TSC22D1: variants seen among roughly 807,000 people sequenced by gnomAD.
TSC22D1 encodes the protein TSC22 domain family member 1.
Under a neutral mutation model 74.2 loss-of-function variants are expected in TSC22D1, and 9 were observed. That is an observed-to-expected ratio of 0.12 (90% CI 0.07 to 0.21). The LOEUF is 0.21. Ranked by LOEUF, TSC22D1 falls within the 10% of genes least tolerant of loss-of-function variation. The probability of loss-of-function intolerance (pLI) is 1.00; values close to 1 mark genes in which losing one functional copy is unlikely to be tolerated. For synonymous variants in TSC22D1, 586 were observed against 492.5 expected, an observed-to-expected ratio of 1.19 and a Z score of -2.51; for missense variants, 1,427 against 1,304.7, an observed-to-expected ratio of 1.09 and a Z score of -1.44.
chr13:44,562,725 A>G (rs1883126470), intron 1 of TSC22D1, among the ~76,000 whole-genome samples: 1 of 152,226 alleles, frequency 6.6e-6, no homozygotes, highest in Admixed American at 6.5e-5. Context: ...TATTCATATT[A>G]GTTCGCATTT....
chr13:44,459,288 A>C (rs755458843), intron 1 of TSC22D1, among the ~76,000 whole-genome samples: 1 of 152,132 alleles, frequency 6.6e-6, no homozygotes, highest in Non-Finnish European at 1.5e-5. Flanking sequence ...GCTATCCACT[A>C]TGGGTCTCCT....
chr13:44,464,184 C>T (rs181118040), intron 1 of TSC22D1, among the ~76,000 whole-genome samples: 4 of 152,244 alleles, frequency 2.6e-5, no homozygotes, highest in African/African-American at 7.2e-5. Flanking sequence ...CAATAGAGAC[C>T]TAATAAAAGG....
At chr13:44,525,113 A>AG (rs1473919324) in intron 1 of TSC22D1, among the ~76,000 whole-genome samples, 2 of 152,082 alleles carry the variant, frequency 1.3e-5, no homozygotes, top group East Asian at 1.9e-4. Flanking sequence ...GTTCCACCTA[A>AG]GGGGGGTAAA....
intron 1 of TSC22D1, among the ~76,000 whole-genome samples, chr13:44,567,305 A>G (rs117481098): frequency 0.012 from 1,868 of 152,338 alleles, 20 homozygotes; most frequent in Non-Finnish European, 0.02. Context: ...AAGTCCTCCA[A>G]CCAAACACCA....
chr13:44,462,488 C>G (rs1877052594), intron 1 of TSC22D1, among the ~76,000 whole-genome samples: 1 of 152,140 alleles, frequency 6.6e-6, no homozygotes, highest in African/African-American at 2.4e-5. Flanking sequence ...TTTATTATAG[C>G]AAATGTTCAA....
intron 1 of TSC22D1, among the ~76,000 whole-genome samples, chr13:44,493,116 G>C (rs1445007785): frequency 6.6e-6 from 1 of 152,118 alleles, no homozygotes; most frequent in Non-Finnish European, 1.5e-5. Flanking sequence ...TCATCTGAAC[G>C]CTGGAAAATA....
intron 1 of TSC22D1, among the ~76,000 whole-genome samples, chr13:44,490,199 T>C (rs1451826571): frequency 3.3e-5 from 5 of 152,210 alleles, no homozygotes; most frequent in Admixed American, 6.5e-5. Context: ...TCACATAGTA[T>C]TGAACACGGA....
intron 1 of TSC22D1, among the ~76,000 whole-genome samples, chr13:44,517,976 C>T (rs1361429664): frequency 6.9e-6 from 1 of 145,792 alleles, no homozygotes; most frequent in Non-Finnish European, 1.5e-5. Flanking sequence ...CTCACCTTAG[C>T]CTCCAGAGTA....
At chr13:44,473,566 A>G (rs2137913575) in intron 1 of TSC22D1, among the ~76,000 whole-genome samples, 1 of 152,076 alleles carries the variant, frequency 6.6e-6, no homozygotes, top group Admixed American at 6.6e-5. Flanking sequence ...GTCAGCATGC[A>G]AATCAGTTTA....
At chr13:44,576,358 A>G (rs1290863763), upstream of TSC22D1, 2 of 374,210 alleles carry the variant, frequency 5.3e-6, no homozygotes, top group African/African-American at 4.2e-5. Flanking sequence ...CCCCCTTTAT[A>G]TTCTGCTTCA....
chr13:44,571,196 G>T (rs548811268), intron 1 of TSC22D1, among the ~76,000 whole-genome samples: 100 of 152,334 alleles, frequency 6.6e-4, no homozygotes, highest in Middle Eastern at 3.4e-3. Context: ...TGTGTACAGT[G>T]TCTGAAGACA....
At chr13:44,544,832 C>T (rs545551299) in intron 1 of TSC22D1, among the ~76,000 whole-genome samples, 16 of 151,988 alleles carry the variant, frequency 1.1e-4, no homozygotes, top group African/African-American at 3.9e-4. Flanking sequence ...AGACAACCAA[C>T]AGATAACCCA....
At chr13:44,566,146 C>T (rs1883358025) in intron 1 of TSC22D1, among the ~76,000 whole-genome samples, 1 of 152,210 alleles carries the variant, frequency 6.6e-6, no homozygotes, top group Non-Finnish European at 1.5e-5. Context: ...GCAATGAAGC[C>T]TGCCTATTTT....
chr13:44,448,399 G>T (rs992881189), intron 1 of TSC22D1, among the ~76,000 whole-genome samples: 1 of 152,094 alleles, frequency 6.6e-6, no homozygotes, highest in East Asian at 1.9e-4. Context: ...GCCACTTAGG[G>T]TCATTAGAGG....
At chr13:44,498,509 T>C (rs1879077301) in intron 1 of TSC22D1, among the ~76,000 whole-genome samples, 1 of 152,160 alleles carries the variant, frequency 6.6e-6, no homozygotes, top group South Asian at 2.1e-4. Context: ...CATGCTTGGA[T>C]AATGGTTGGT....
chr13:44,545,582 G>GAAA (rs199880936), intron 1 of TSC22D1, among the ~76,000 whole-genome samples: 1 of 116,970 alleles, frequency 8.5e-6, no homozygotes, highest in African/African-American at 3.1e-5. Flanking sequence ...ATAAGGTACT[G>GAAA]AAAAAAAAAA....
At chr13:44,551,313 G>GTC (rs745937839) in intron 1 of TSC22D1, among the ~76,000 whole-genome samples, 2 of 139,016 alleles carry the variant, frequency 1.4e-5, no homozygotes, top group Non-Finnish European at 3.0e-5. Context: ...AGCTGGGGGT[G>GTC]TGTGTGTGTG....
In TSC22D1 at chr13:44,573,785, C is replaced by T. The variant is rs1883959289; in HGVS notation, c.2290G>A (p.Val764Met). 2 of 1,614,238 alleles carry T rather than the reference C, an allele frequency of 1.2e-6. No individual in the cohort carries two copies. The highest frequency in any genetic ancestry group is 1.7e-6 in the Non-Finnish European group (2 of 1,180,036). ...ATCCCAGTTTGAGCAGGTGGAACCACTTGCGAAGATGGAGGAGCACCCTGC... is the reference window on the plus strand; with the variant it reads ...ATCCCAGTTTGAGCAGGTGGAACCATTTGCGAAGATGGAGGAGCACCCTGC... ...IQQGAPPSSQVVPPAQTGIIH... is the reference protein window; with the variant it reads ...IQQGAPPSSQMVPPAQTGIIH... Residue 764 changes from valine (V) to methionine (M), a missense_variant, in exon 1 of 3, where the codon GTG (valine) becomes ATG (methionine). Around this residue, in one of 3 missense-constraint regions of TSC22D1, gnomAD observed 1,343 missense variants for 1,191.5 expected, o/e 1.13. Coordinates refer to ENST00000458659, the MANE Select transcript of TSC22D1 (RefSeq NM_183422.4).
rs1874296025 is a variant in TSC22D1 at position 44,434,074 on chromosome 13, T to C, written c.*552A>G. The C allele has an allele frequency of 9.8e-6, 15 of 1,528,014 alleles. No homozygotes were observed. The highest frequency in any genetic ancestry group is 1.2e-5 in the Non-Finnish European group (14 of 1,144,928). The allele number at this position is 1,528,014 out of a possible 1,614,324, so 94.7% of individuals were successfully genotyped here. ...CTCATAGTTTTGTGTCATCCATTGT[T>C]TGAGAAGAAAGAGGCACAGTACTAT... is the stretch of plus-strand genomic sequence containing the variant. On this transcript the variant is annotated 3_prime_UTR_variant, in exon 3 of 3. Transcript: ENST00000458659.
Sources: gnomAD v4.1 joint callset for allele counts (sites outside exome capture counted in the v4.1 genomes callset) on GRCh38, gnomAD v4.1.1 for gene constraint, gnomAD v4.1.1 regional missense constraint, MANE v1.5 for transcripts, NCBI Gene and HGNC (gene_info 2026-07-23, HGNC 2026-07-21) for gene names.